Variants in CSMD1 observed in about 807,000 individuals in gnomAD.
CSMD1 encodes CUB and Sushi multiple domains 1.
CSMD1 carries 213 observed loss-of-function variants against 417.5 expected under a neutral mutation model. That is an observed-to-expected ratio of 0.51 (90% CI 0.46 to 0.57). The LOEUF is 0.57. Among genes scored for constraint, CSMD1 ranks in the 20% least tolerant of loss-of-function variants. CSMD1 has a pLI of 0.00. For synonymous variants in CSMD1, 2,862 were observed against 1,736.8 expected (o/e 1.65, Z -16.11); for missense variants, 6,923 against 4,529.7 (o/e 1.53, Z -15.17).
chr8:4,113,494 T>G (rs980113769), intron 3 of CSMD1, among the ~76,000 whole-genome samples: 3 of 137,720 alleles, frequency 2.2e-5, no homozygotes, highest in Admixed American at 8.1e-5. Flanking sequence ...AACCTCTGCC[T>G]CCCAGGTTCA....
intron 1 of CSMD1, among the ~76,000 whole-genome samples, chr8:4,993,432 T>TA (rs1811585834): frequency 9.6e-6 from 1 of 104,028 alleles, no homozygotes; most frequent in Non-Finnish European, 2.7e-5. Flanking sequence ...AAAGGGAGCT[T>TA]ATGTTCTTTC....
intron 10 of CSMD1, among the ~76,000 whole-genome samples, chr8:3,574,112 G>A (rs973565490): frequency 1.7e-4 from 26 of 151,962 alleles, no homozygotes; most frequent in African/African-American, 6.3e-4. Flanking sequence ...CTACCCTGGA[G>A]GAAATATATA....
intron 5 of CSMD1, among the ~76,000 whole-genome samples, chr8:3,982,706 G>C (rs1259368065): frequency 6.6e-6 from 1 of 152,088 alleles, no homozygotes; most frequent in South Asian, 2.1e-4. Context: ...AAGATCAGGA[G>C]GCAGAGGGAA....
intron 7 of CSMD1, among the ~76,000 whole-genome samples, chr8:3,626,062 T>C (rs1796475581): frequency 6.6e-6 from 1 of 152,202 alleles, no homozygotes; most frequent in Non-Finnish European, 1.5e-5. Flanking sequence ...CTGAACATTT[T>C]ATAAGAGCCT....
chr8:4,062,665 AG>A (rs1420568695), intron 3 of CSMD1, among the ~76,000 whole-genome samples: 1 of 152,072 alleles, frequency 6.6e-6, no homozygotes, highest in Non-Finnish European at 1.5e-5. Flanking sequence ...GCAGAAACAC[AG>A]ATTCCTTGTG....
In CSMD1 at chr8:3,429,902, C is replaced by A. The variant is rs775490313; in HGVS notation, c.1562-20297G>T. Among the ~76,000 whole-genome samples, 14 of 152,284 alleles carry A rather than the reference C, an allele frequency of 9.2e-5. No homozygotes were observed. The South Asian group carries it at 2.7e-3, about 29-fold the overall frequency. ...ACATAAACTGTGCACCAGATCACAC[C>A]AGGGGCACTGGCCACACTGTCTATT... On this transcript the variant is annotated intron_variant, in intron 12 of 69. Coordinates refer to ENST00000635120, the MANE Select transcript of CSMD1 (RefSeq NM_033225.6).
In CSMD1 at chr8:3,910,762, T is replaced by C. The variant is rs571887463; in HGVS notation, c.818+87141A>G. 1.0e-3 allele frequency among the ~76,000 whole-genome samples: 159 copies of C among 152,316 alleles called. 2 individuals are homozygous for C. Among genetic ancestry groups the C allele is most frequent in the African/African-American group, 1.1e-3 (46 of 41,584 alleles). On this transcript the variant is annotated intron_variant, in intron 5 of 69. Coordinates refer to ENST00000635120, the MANE Select transcript of CSMD1 (RefSeq NM_033225.6). ...GAATTCGGTGCTTCTTTAGAGATTGTAGTGCCTTCTCTCCAGAGTACATTA... is the reference window on the plus strand; with the variant it reads ...GAATTCGGTGCTTCTTTAGAGATTGCAGTGCCTTCTCTCCAGAGTACATTA...
intron 8 of CSMD1, 91 bp from the exon 9 acceptor site, chr8:3,586,351 G>T (rs985043118): frequency 2.4e-6 from 3 of 1,274,530 alleles, no homozygotes; most frequent in Non-Finnish European, 2.1e-6. Context: ...TGGCTGCTAC[G>T]ATCTTGTTCA....
intron 7 of CSMD1, among the ~76,000 whole-genome samples, chr8:3,640,099 C>T (rs1415902412): frequency 1.3e-5 from 2 of 152,106 alleles, no homozygotes; most frequent in Admixed American, 1.3e-4. Flanking sequence ...AAGGCTCTCC[C>T]ATGTAGAGGT....
At chr8:4,639,236 T>G (rs1440698039) in intron 1 of CSMD1, among the ~76,000 whole-genome samples, 1 of 145,438 alleles carries the variant, frequency 6.9e-6, no homozygotes, top group Non-Finnish European at 1.5e-5. Flanking sequence ...GCTAATTTGG[T>G]CCCTGTGGTT....
At chr8:4,826,988 A>G (rs1026846362) in intron 1 of CSMD1, among the ~76,000 whole-genome samples, 7 of 152,102 alleles carry the variant, frequency 4.6e-5, no homozygotes, top group African/African-American at 1.7e-4. Context: ...GACGGTAAGA[A>G]ATCAAATTGC....
chr8:4,172,590 G>C lies in CSMD1; in HGVS notation c.416-140491C>G, dbSNP rs73658423. 6.9e-3 allele frequency among the ~76,000 whole-genome samples: 1,047 copies of C among 152,168 alleles called. 14 individuals carry two copies. Among genetic ancestry groups the C allele is most frequent in the African/African-American group, 0.024 (1,013 of 41,484 alleles). On this transcript the variant is annotated intron_variant, in intron 3 of 69. Coordinates refer to ENST00000635120, the MANE Select transcript of CSMD1 (RefSeq NM_033225.6). ...AATCCAGAACTGTATATATGGTAAG[G>C]AACATCTAACTAAGCTCATGGAACC...
At chr8:4,626,495 G>A (rs1487584442) in intron 2 of CSMD1, among the ~76,000 whole-genome samples, 1 of 152,100 alleles carries the variant, frequency 6.6e-6, no homozygotes, top group African/African-American at 2.4e-5. Context: ...TTGGGAAGTT[G>A]TGCTGAAAAT....
chr8:3,764,820 C>T (rs938032427), intron 5 of CSMD1, among the ~76,000 whole-genome samples: 3 of 149,634 alleles, frequency 2.0e-5, no homozygotes, highest in African/African-American at 7.4e-5. Flanking sequence ...CATCTTGGCT[C>T]AGTGAAACCT....
intron 3 of CSMD1, among the ~76,000 whole-genome samples, chr8:4,257,566 T>C (rs937071911): frequency 3.3e-5 from 5 of 152,200 alleles, no homozygotes; most frequent in African/African-American, 9.7e-5. Context: ...AAATAAGAAA[T>C]AGAGATTTAT....
intron 3 of CSMD1, among the ~76,000 whole-genome samples, chr8:4,364,001 T>A (rs1404785964): frequency 6.6e-6 from 1 of 152,162 alleles, no homozygotes; most frequent in Non-Finnish European, 1.5e-5. Context: ...GTTGACTGAC[T>A]GTAGTCAATA....
At chr8:4,569,904 A>G (rs1042000458) in intron 2 of CSMD1, among the ~76,000 whole-genome samples, 4 of 152,170 alleles carry the variant, frequency 2.6e-5, no homozygotes, top group African/African-American at 9.7e-5. Flanking sequence ...CTTTGTAGCA[A>G]TTGTGAGTGG....
chr8:3,279,375 T>A (rs1204079563), intron 26 of CSMD1, among the ~76,000 whole-genome samples: 1 of 152,220 alleles, frequency 6.6e-6, no homozygotes, highest in African/African-American at 2.4e-5. Flanking sequence ...TCAACTCGAA[T>A]GCATGGGAGC....
intron 11 of CSMD1, among the ~76,000 whole-genome samples, chr8:3,483,818 T>A (rs10100224): frequency 0.18 from 26,686 of 152,162 alleles, 2,552 homozygotes; most frequent in Middle Eastern, 0.25. Flanking sequence ...TTCCATTTTA[T>A]GAAAGGCTGA....
Sources: allele counts gnomAD v4.1 joint callset (sites outside exome capture counted in the v4.1 genomes callset), GRCh38; gene constraint gnomAD v4.1.1; transcripts MANE v1.5; gene names NCBI Gene and HGNC (gene_info 2026-07-23, HGNC 2026-07-21).